The following GABRB2 variants were observed in gnomAD, a reference collection of about 807,000 sequenced individuals.
The protein encoded by GABRB2 is gamma-aminobutyric acid receptor subunit beta-2.
In GABRB2, 16 loss-of-function variants were observed where a neutral mutation model predicts 54.7. The ratio of observed to expected loss-of-function variants is 0.29; its 90% CI spans 0.20 to 0.44. The LOEUF is 0.44. GABRB2 is among the 20% of genes least tolerant of loss of function. The pLI is 1.00. For missense variants in GABRB2, 355 were observed against 644.0 expected (o/e 0.55, Z 4.86); for synonymous variants, 244 against 233.8 (o/e 1.04, Z -0.40).
chr5:161,364,218 ATAG>A (rs1207729135), intron 5 of GABRB2, among the ~76,000 whole-genome samples: 1 of 152,200 alleles, frequency 6.6e-6, no homozygotes, highest in Non-Finnish European at 1.5e-5. Flanking sequence ...ATAAATCTAT[ATAG>A]GACAATATAT....
At chr5:161,398,315 A>G (rs537278545) in intron 5 of GABRB2, among the ~76,000 whole-genome samples, 1 of 152,352 alleles carries the variant, frequency 6.6e-6, no homozygotes, top group South Asian at 2.1e-4. Context: ...ACAAAGCAGT[A>G]GACAAGATAA....
At chr5:161,477,119 A>T (rs549176899) in intron 3 of GABRB2, among the ~76,000 whole-genome samples, 1 of 152,030 alleles carries the variant, frequency 6.6e-6, no homozygotes, top group Non-Finnish European at 1.5e-5. Context: ...AAATTGGCTG[A>T]AGATTTTAAT....
At chr5:161,437,332 C>A (rs1757341197) in intron 4 of GABRB2, among the ~76,000 whole-genome samples, 1 of 151,970 alleles carries the variant, frequency 6.6e-6, no homozygotes, top group Non-Finnish European at 1.5e-5. Flanking sequence ...GGCCACTGGT[C>A]AGAGTTATGA....
intron 5 of GABRB2, among the ~76,000 whole-genome samples, chr5:161,409,363 T>C (rs1328956892): frequency 6.9e-6 from 1 of 145,488 alleles, no homozygotes; most frequent in Non-Finnish European, 1.6e-5. Flanking sequence ...TAAAGAATTA[T>C]CATGTTAATT....
At chr5:161,384,578 T>C (rs997796259) in intron 5 of GABRB2, among the ~76,000 whole-genome samples, 1 of 152,164 alleles carries the variant, frequency 6.6e-6, no homozygotes, top group East Asian at 1.9e-4. Context: ...GGAGTATAAG[T>C]TCTTGGTTTT....
intron 3 of GABRB2, among the ~76,000 whole-genome samples, chr5:161,512,235 T>A (rs1402770693): frequency 6.6e-6 from 1 of 151,948 alleles, no homozygotes; most frequent in Non-Finnish European, 1.5e-5. Context: ...TTATTTTTTT[T>A]AATCTAAAAT....
chr5:161,546,162 A>C (rs764761198), intron 2 of GABRB2, among the ~76,000 whole-genome samples, 160 bp downstream of exon 2: 2 of 152,218 alleles, frequency 1.3e-5, no homozygotes, highest in Non-Finnish European at 2.9e-5. Context: ...GGGTAGCAAT[A>C]ATCCAGCTTA....
chr5:161,470,153 T>C (rs1332302431), intron 3 of GABRB2, among the ~76,000 whole-genome samples: 1 of 151,734 alleles, frequency 6.6e-6, no homozygotes, highest in African/African-American at 2.4e-5. Flanking sequence ...TCCATGAGGA[T>C]CCTTCCACTT....
At chr5:161,307,870 T>C (rs1047772779) in intron 9 of GABRB2, among the ~76,000 whole-genome samples, 1 of 151,666 alleles carries the variant, frequency 6.6e-6, no homozygotes. Context: ...ATTCTTTTTT[T>C]TTTTTTTTGA....
chr5:161,427,830 T>C (rs976970324), intron 4 of GABRB2, among the ~76,000 whole-genome samples: 2 of 152,198 alleles, frequency 1.3e-5, no homozygotes, highest in Non-Finnish European at 2.9e-5. Flanking sequence ...TGCAACATTA[T>C]AAGTTGGTTA....
At chr5:161,465,371 T>C (rs1758250766) in intron 3 of GABRB2, among the ~76,000 whole-genome samples, 1 of 152,174 alleles carries the variant, frequency 6.6e-6, no homozygotes, top group Non-Finnish European at 1.5e-5. Context: ...CTCTCTATTC[T>C]GAAATTGTAC....
At chr5:161,408,398 G>A (rs17521429) in intron 5 of GABRB2, among the ~76,000 whole-genome samples, 2,922 of 152,134 alleles carry the variant, frequency 0.019, 38 homozygotes, top group Middle Eastern at 0.082. Context: ...AAGGAGGCCA[G>A]GGATATTGTA....
At chr5:161,467,859 T>C (rs116234392) in intron 3 of GABRB2, among the ~76,000 whole-genome samples, 241 of 152,196 alleles carry the variant, frequency 1.6e-3, no homozygotes, top group African/African-American at 5.7e-3. Flanking sequence ...AAAGTCAATA[T>C]TTCCAGTAAA....
rs546085711 is a variant in GABRB2 at position 161,369,265 on chromosome 5, T to C, written c.542-32496A>G. On this transcript the variant is annotated intron_variant, in intron 5 of 9. Transcript: ENST00000393959. ...CTGCAGGGAAACTGGCAGCTCCTGCTGTGAGACCATTGAATTGTTCTCAAT... is the reference window on the plus strand; with the variant it reads ...CTGCAGGGAAACTGGCAGCTCCTGCCGTGAGACCATTGAATTGTTCTCAAT... 5.3e-5 allele frequency among the ~76,000 whole-genome samples: 8 copies of C among 152,348 alleles called. No homozygotes were observed. In the South Asian group the frequency reaches 1.7e-3, roughly 32 times the overall value.
intron 7 of GABRB2, among the ~76,000 whole-genome samples, chr5:161,331,798 G>T (rs902513176): frequency 1.3e-5 from 2 of 151,964 alleles, no homozygotes; most frequent in African/African-American, 4.8e-5. Flanking sequence ...TCAAGCAAGG[G>T]GGCAATTTGC....
chr5:161,301,470 C>T (rs1757535903), intron 9 of GABRB2, among the ~76,000 whole-genome samples: 1 of 151,668 alleles, frequency 6.6e-6, no homozygotes, highest in African/African-American at 2.4e-5. Context: ...TTCCCTTTAA[C>T]CAATCAGAAG....
intron 5 of GABRB2, among the ~76,000 whole-genome samples, chr5:161,386,775 C>T (rs930469637): frequency 1.4e-5 from 2 of 142,210 alleles, no homozygotes; most frequent in African/African-American, 5.2e-5. Context: ...TCCCTGAGCT[C>T]AAACCTCCCA....
At chr5:161,420,929 A>T (rs1292307872) in intron 4 of GABRB2, among the ~76,000 whole-genome samples, 1 of 152,102 alleles carries the variant, frequency 6.6e-6, no homozygotes, top group Non-Finnish European at 1.5e-5. Context: ...TAAGGGAATG[A>T]AAGTTCCTAC....
intron 9 of GABRB2, among the ~76,000 whole-genome samples, chr5:161,322,831 G>A (rs17052586): frequency 0.071 from 10,774 of 151,854 alleles, 608 homozygotes; most frequent in Admixed American, 0.16. Context: ...AGTTTCATAA[G>A]GATTGCTTTG....
Sources: allele counts gnomAD v4.1 joint callset (sites outside exome capture counted in the v4.1 genomes callset), GRCh38; gene constraint gnomAD v4.1.1; transcripts MANE v1.5; gene names NCBI Gene and HGNC (gene_info 2026-07-23, HGNC 2026-07-21).